CAMKMT: variants seen among roughly 807,000 people sequenced by gnomAD.
CAMKMT encodes the protein CaM KMT.
In CAMKMT, 53 loss-of-function variants were observed where a neutral mutation model predicts 48.0. The observed-to-expected ratio is 1.10, with a 90% confidence interval of 0.89 to 1.39. CAMKMT has a LOEUF of 1.39. Ranked by LOEUF, CAMKMT falls within the 40% of genes most tolerant of loss-of-function variation. CAMKMT has a pLI of 0.00. For synonymous variants in CAMKMT, 165 were observed against 152.3 expected (o/e 1.08, Z -0.61); for missense variants, 428 against 402.7 (o/e 1.06, Z -0.54).
At chr2:44,447,733 G>T (rs952070804) in intron 3 of CAMKMT, among the ~76,000 whole-genome samples, 3 of 152,202 alleles carry the variant, frequency 2.0e-5, no homozygotes, top group African/African-American at 7.2e-5. Context: ...GAAGCCTGTT[G>T]TCAGTAGGGC....
chr2:44,655,580 C>T (rs140661758), intron 3 of CAMKMT, among the ~76,000 whole-genome samples: 1 of 152,298 alleles, frequency 6.6e-6, no homozygotes, highest in Non-Finnish European at 1.5e-5. Flanking sequence ...CTGAACTTAT[C>T]TCCTAAATAG....
intron 3 of CAMKMT, among the ~76,000 whole-genome samples, chr2:44,527,345 T>C (rs1336592444): frequency 6.9e-6 from 1 of 144,210 alleles, no homozygotes; most frequent in African/African-American, 2.5e-5. Context: ...AATACATATA[T>C]ACATATATAA....
At chr2:44,604,951 C>T (rs747851784) in intron 3 of CAMKMT, among the ~76,000 whole-genome samples, 3 of 152,088 alleles carry the variant, frequency 2.0e-5, no homozygotes, top group South Asian at 2.1e-4. Context: ...CCTATTTCAA[C>T]GTGTTATTTT....
intron 3 of CAMKMT, among the ~76,000 whole-genome samples, chr2:44,505,741 C>G (rs77369024): frequency 5.5e-4 from 83 of 152,180 alleles, no homozygotes; most frequent in African/African-American, 1.8e-3. Flanking sequence ...GTAAGTGGAC[C>G]CGTGCAGTTC....
intron 3 of CAMKMT, among the ~76,000 whole-genome samples, chr2:44,519,650 C>T (rs191512227): frequency 5.9e-5 from 9 of 152,154 alleles, no homozygotes; most frequent in Admixed American, 2.0e-4. Context: ...TGTTTAAAAA[C>T]GAAACAAAAC....
Position 44,734,415 on chromosome 2 carries a change from T to A in CAMKMT, c.624-9207T>A, listed in dbSNP as rs1439970989. ...ATTGTGGTCAGGAAACATTCTTTTT[T>A]TTTTTATTTTTATTTTTGAGACAGG... On this transcript the variant is annotated intron_variant, in intron 7 of 10. Coordinates refer to ENST00000378494, the MANE Select transcript of CAMKMT (RefSeq NM_024766.5). Among the ~76,000 whole-genome samples, 3 of 152,206 alleles carry A rather than the reference T, an allele frequency of 2.0e-5. No individual in the cohort carries two copies. The East Asian group carries it at 5.8e-4, about 29-fold the overall frequency.
intron 3 of CAMKMT, among the ~76,000 whole-genome samples, chr2:44,702,974 C>T (rs1677338140): frequency 6.6e-6 from 1 of 152,136 alleles, no homozygotes; most frequent in South Asian, 2.1e-4. Flanking sequence ...GATGTTTCAA[C>T]CTTGCATTAA....
At chr2:44,635,851 C>T (rs1673100436) in intron 3 of CAMKMT, among the ~76,000 whole-genome samples, 1 of 152,208 alleles carries the variant, frequency 6.6e-6, no homozygotes, top group East Asian at 1.9e-4. Flanking sequence ...ATAGACTATC[C>T]AATATGGAGT....
intron 7 of CAMKMT, among the ~76,000 whole-genome samples, chr2:44,725,839 C>CTT (rs765704166): frequency 7.0e-6 from 1 of 143,274 alleles, no homozygotes; most frequent in Non-Finnish European, 1.5e-5. Context: ...AGTTCTATTT[C>CTT]TTTTTTTTTT....
intron 3 of CAMKMT, among the ~76,000 whole-genome samples, chr2:44,458,110 A>G (rs1345932734): frequency 7.8e-6 from 1 of 127,498 alleles, no homozygotes; most frequent in Non-Finnish European, 1.5e-5. Context: ...GCAGTGGTGC[A>G]TTCTCGGCTC....
At position 44,664,738 on chromosome 2, in the gene CAMKMT, G is replaced by A. The variant is rs553663766; in HGVS notation, c.377-39545G>A. On this transcript the variant is annotated intron_variant, in intron 3 of 10. Transcript: ENST00000378494. ...GTATTCACATGAGATTGCCTCCTCA[G>A]TGGAGAGAAAGTTTTAAGAAGAGGT... 2.6e-5 allele frequency among the ~76,000 whole-genome samples: 4 copies of A among 152,310 alleles called. No homozygotes were observed. The East Asian group carries it at 7.7e-4, about 29-fold the overall frequency.
At chr2:44,643,434 T>A (rs991039163) in intron 3 of CAMKMT, among the ~76,000 whole-genome samples, 1 of 152,108 alleles carries the variant, frequency 6.6e-6, no homozygotes, top group Non-Finnish European at 1.5e-5. Flanking sequence ...TTGTGATAGG[T>A]TGGAAAAGTG....
chr2:44,735,746 A>AAAAAAC (rs2104355315), intron 7 of CAMKMT, among the ~76,000 whole-genome samples: 1 of 151,968 alleles, frequency 6.6e-6, no homozygotes, highest in East Asian at 1.9e-4. Context: ...TACTGAAAAA[A>AAAAAAC]AAAAACAAAA....
At chr2:44,719,276 T>C (rs887934942) in intron 7 of CAMKMT, among the ~76,000 whole-genome samples, 1 of 152,192 alleles carries the variant, frequency 6.6e-6, no homozygotes, top group Non-Finnish European at 1.5e-5. Context: ...CCTACCCTAA[T>C]CTTTTTAATT....
At chr2:44,585,935 G>A (rs1308609331) in intron 3 of CAMKMT, among the ~76,000 whole-genome samples, 1 of 152,198 alleles carries the variant, frequency 6.6e-6, no homozygotes, top group Non-Finnish European at 1.5e-5. Flanking sequence ...CTCTGCAATA[G>A]TCAATTTTAA....
In CAMKMT at chr2:44,758,542, A is replaced by G. The variant is rs147305901; in HGVS notation, c.762+4424A>G. The stretch of plus-strand genomic sequence containing the variant: ...ACTGTAAAGATAGTTAACTCCTGTC[A>G]TAACACTACAAGGGACTCTCCAGCA... On this transcript the variant is annotated intron_variant, in intron 9 of 10. Transcript: ENST00000378494. Among the ~76,000 whole-genome samples the G allele has an allele frequency of 1.6e-4, 25 of 152,358 alleles. No homozygotes were observed. The East Asian group carries it at 3.5e-3, about 21-fold the overall frequency.
intron 3 of CAMKMT, among the ~76,000 whole-genome samples, chr2:44,667,807 T>C (rs1675085244): frequency 6.6e-6 from 1 of 152,166 alleles, no homozygotes; most frequent in Admixed American, 6.5e-5. Context: ...CAGTGTTTCA[T>C]TTTGGACCTC....
chr2:44,694,168 G>A (rs559930993), intron 3 of CAMKMT, among the ~76,000 whole-genome samples: 1 of 152,324 alleles, frequency 6.6e-6, no homozygotes, highest in Admixed American at 6.5e-5. Flanking sequence ...TGATCTAGAA[G>A]GCCCCAAGCT....
chr2:44,536,179 T>G (rs1317591235), intron 3 of CAMKMT, among the ~76,000 whole-genome samples: 1 of 152,134 alleles, frequency 6.6e-6, no homozygotes, highest in Non-Finnish European at 1.5e-5. Flanking sequence ...TTAGAAAAAG[T>G]ATAAAGTACT....
Sources: gnomAD v4.1 joint callset for allele counts (sites outside exome capture counted in the v4.1 genomes callset) on GRCh38, gnomAD v4.1.1 for gene constraint, MANE v1.5 for transcripts, NCBI Gene and HGNC (gene_info 2026-07-23, HGNC 2026-07-21) for gene names.